The following BNC2 variants were observed in gnomAD, a reference collection of about 807,000 sequenced individuals.
BNC2 encodes the protein zinc finger protein basonuclin-2.
In BNC2, 20 loss-of-function variants were observed where a neutral mutation model predicts 76.3. The ratio of observed to expected loss-of-function variants is 0.26; its 90% CI spans 0.18 to 0.38. The LOEUF (loss-of-function observed/expected upper bound fraction) is 0.38. Among genes scored for constraint, BNC2 ranks in the 10% least tolerant of loss-of-function variants. BNC2 has a pLI of 1.00. For synonymous variants in BNC2, 582 were observed against 514.8 expected (o/e 1.13, Z -1.77); for missense variants, 1,382 against 1,399.8 (o/e 0.99, Z 0.20).
chr9:16,643,561 G>A (rs1821547055), intron 3 of BNC2, among the ~76,000 whole-genome samples: 1 of 151,946 alleles, frequency 6.6e-6, no homozygotes, highest in Non-Finnish European at 1.5e-5. Flanking sequence ...ACTGGTTATG[G>A]TGTAGCATCT....
chr9:16,481,479 G>T (rs1311174579), intron 5 of BNC2, among the ~76,000 whole-genome samples: 1 of 152,128 alleles, frequency 6.6e-6, no homozygotes, highest in Non-Finnish European at 1.5e-5. Context: ...GAGCCCACTA[G>T]AAGGAAGAAA....
intron 1 of BNC2, among the ~76,000 whole-genome samples, chr9:16,750,561 T>C (rs753022660): frequency 1.3e-5 from 2 of 152,232 alleles, no homozygotes; most frequent in East Asian, 3.9e-4. Context: ...ATGCCTGGCA[T>C]ACCCAATGAG....
intron 1 of BNC2, among the ~76,000 whole-genome samples, chr9:16,856,501 A>G (rs1199243143): frequency 6.6e-6 from 1 of 152,042 alleles, no homozygotes; most frequent in Non-Finnish European, 1.5e-5. Flanking sequence ...TTGTACTTCT[A>G]GACTCAAAAT....
At chr9:16,858,479 C>T (rs1258871195) in intron 1 of BNC2, among the ~76,000 whole-genome samples, 1 of 152,172 alleles carries the variant, frequency 6.6e-6, no homozygotes, top group East Asian at 1.9e-4. Context: ...GAGGATCAGA[C>T]ATATCTGAGC....
intron 3 of BNC2, among the ~76,000 whole-genome samples, chr9:16,637,401 T>G (rs1257382351): frequency 6.6e-6 from 1 of 152,194 alleles, no homozygotes; most frequent in Non-Finnish European, 1.5e-5. Context: ...CAAGTTGTGA[T>G]GTTCACCCAA....
At chr9:16,421,803 T>C (rs987566149) in intron 6 of BNC2, among the ~76,000 whole-genome samples, 3 of 152,250 alleles carry the variant, frequency 2.0e-5, no homozygotes, top group Non-Finnish European at 1.5e-5. Context: ...AGTTACGCTA[T>C]GCGCTATTAT....
At chr9:16,711,903 T>C (rs1161026438) in intron 3 of BNC2, among the ~76,000 whole-genome samples, 4 of 152,194 alleles carry the variant, frequency 2.6e-5, no homozygotes, top group African/African-American at 4.8e-5. Context: ...TTTAAATCCC[T>C]AATCGCTCAC....
chr9:16,573,573 G>A (rs1172964013), intron 4 of BNC2, among the ~76,000 whole-genome samples: 2 of 152,116 alleles, frequency 1.3e-5, no homozygotes, highest in Non-Finnish European at 2.9e-5. Flanking sequence ...TAAGGCCCAA[G>A]ACTGTCCTTT....
At chr9:16,680,538 T>C (rs1421795210) in intron 3 of BNC2, among the ~76,000 whole-genome samples, 1 of 151,412 alleles carries the variant, frequency 6.6e-6, no homozygotes, top group East Asian at 1.9e-4. Context: ...CTAGAGAACA[T>C]GTGGCAGACA....
chr9:16,433,708 G>T (rs757221827), intron 6 of BNC2, among the ~76,000 whole-genome samples: 3 of 152,186 alleles, frequency 2.0e-5, no homozygotes, highest in Admixed American at 6.5e-5. Context: ...AACACTGGGT[G>T]TGTAGCCTTT....
At chr9:16,868,061 T>A (rs773880621) in intron 1 of BNC2, 1 of 152,118 alleles carries the variant, frequency 6.6e-6, no homozygotes, top group African/African-American at 2.4e-5. Flanking sequence ...GGCTGCAACA[T>A]GAAAGTACTT....
At chr9:16,720,621 G>A (rs959520537) in intron 3 of BNC2, among the ~76,000 whole-genome samples, 6 of 152,118 alleles carry the variant, frequency 3.9e-5, no homozygotes, top group African/African-American at 1.4e-4. Context: ...TCTTTACAGA[G>A]AGAAATGAAA....
At chr9:16,864,963 G>A (rs370648877) in intron 1 of BNC2, among the ~76,000 whole-genome samples, 2 of 150,230 alleles carry the variant, frequency 1.3e-5, no homozygotes, top group Non-Finnish European at 2.9e-5. Flanking sequence ...GCACATCGTC[G>A]AGTCACAATA....
chr9:16,727,114 C>CGCCGGCGG (rs924103074), intron 3 of BNC2: 225 of 152,852 alleles, frequency 1.5e-3, no homozygotes, highest in Middle Eastern at 3.4e-3. Flanking sequence ...CGAGTGAGTG[C>CGCCGGCGG]GCCGGCGGGC....
rs1473647913 is a variant in BNC2, at chr9:16,678,261, C to CTTTCTCTTTTTTTTTTTTTTTTTTTT, written c.330+49535_330+49536insAAAAAAAAAAAAAAAAAAAAGAGAAA. On this transcript the variant is annotated intron_variant, in intron 3 of 6. Coordinates refer to ENST00000380672, the MANE Select transcript of BNC2 (RefSeq NM_017637.6). ...ACCATAACTTGTAACTGTTTTCTTT[C>CTTTCTCTTTTTTTTTTTTTTTTTTTT]TTTTTCTTTTTTTTTTTTTTTTTTT... Among the ~76,000 whole-genome samples, 2 of 75,888 alleles carry CTTTCTCTTTTTTTTTTTTTTTTTTTT rather than the reference C, an allele frequency of 2.6e-5. 1 individual carries two copies. 49.8% of individuals were successfully genotyped at this position (75,888 alleles called of 152,430 possible). A position where few individuals can be genotyped will look rare whatever the true frequency, so the allele number is the denominator to read the frequency against.
At chr9:16,435,103 T>C (rs532398405) in intron 6 of BNC2, 11 of 471,382 alleles carry the variant, frequency 2.3e-5, no homozygotes, top group South Asian at 7.7e-5. Context: ...TCTGTTTCTA[T>C]ATTGGATAAA....
At chr9:16,470,913 G>C (rs925751142) in intron 5 of BNC2, among the ~76,000 whole-genome samples, 7 of 152,216 alleles carry the variant, frequency 4.6e-5, no homozygotes, top group Non-Finnish European at 7.3e-5. Context: ...TCGTGGAGCT[G>C]TGAGAAGAGG....
chr9:16,652,260 T>G (rs1821814489), intron 3 of BNC2, among the ~76,000 whole-genome samples: 1 of 152,088 alleles, frequency 6.6e-6, no homozygotes, highest in South Asian at 2.1e-4. Context: ...TTTATTAGAA[T>G]TTTTTTTCTC....
chr9:16,658,074 G>T lies in BNC2; in HGVS notation c.330+69723C>A, dbSNP rs377598414. Among the ~76,000 whole-genome samples, 7 of 152,304 alleles carry T rather than the reference G, an allele frequency of 4.6e-5. No homozygotes were observed. In the East Asian group the frequency reaches 1.2e-3, roughly 25 times the overall value. ...AGGGATGGCATCCATAGCACTCAGA[G>T]GTAGAAGGAGATCCTAATTTACTAA... On this transcript the variant is annotated intron_variant, in intron 3 of 6. Transcript: ENST00000380672.
Sources: allele counts gnomAD v4.1 joint callset (sites outside exome capture counted in the v4.1 genomes callset), GRCh38; gene constraint gnomAD v4.1.1; transcripts MANE v1.5; gene names NCBI Gene and HGNC (gene_info 2026-07-23, HGNC 2026-07-21).